CACNG2: variants seen among roughly 807,000 people sequenced by gnomAD.
CACNG2 encodes calcium voltage-gated channel auxiliary subunit gamma 2.
In CACNG2, 3 loss-of-function variants were observed where a neutral mutation model predicts 25.9. The observed-to-expected ratio is 0.12, with a 90% confidence interval of 0.05 to 0.30. The LOEUF is 0.30. CACNG2 is among the 10% of genes least tolerant of loss of function. The pLI is 1.00. For synonymous variants in CACNG2, 167 were observed against 173.3 expected, an observed-to-expected ratio of 0.96 and a Z score of 0.29; for missense variants, 341 against 432.5, an observed-to-expected ratio of 0.79 and a Z score of 1.88.
At chr22:36,630,971 T>C (rs1333198823) in intron 1 of CACNG2, among the ~76,000 whole-genome samples, 1 of 152,128 alleles carries the variant, frequency 6.6e-6, no homozygotes, top group South Asian at 2.1e-4. Flanking sequence ...GCTGGGTCTA[T>C]AGGTGCCTGC....
chr22:36,594,786 T>C (rs1316267717), intron 1 of CACNG2, among the ~76,000 whole-genome samples: 4 of 149,260 alleles, frequency 2.7e-5, no homozygotes, highest in Non-Finnish European at 5.9e-5. Flanking sequence ...TGTGTGTCTG[T>C]GTGTGTGTCT....
At chr22:36,695,713 C>T (rs1340504903) in intron 1 of CACNG2, among the ~76,000 whole-genome samples, 6 of 152,234 alleles carry the variant, frequency 3.9e-5, no homozygotes, top group East Asian at 1.9e-4. Flanking sequence ...TATGAGCTCA[C>T]GTCTCATGCA....
chr22:36,690,189 G>A (rs971856329), intron 1 of CACNG2, among the ~76,000 whole-genome samples: 3 of 152,196 alleles, frequency 2.0e-5, no homozygotes, highest in African/African-American at 7.2e-5. Context: ...GCCGGGAAAC[G>A]GCCACGCACG....
At chr22:36,665,426 C>T (rs1936862502) in intron 1 of CACNG2, among the ~76,000 whole-genome samples, 1 of 152,158 alleles carries the variant, frequency 6.6e-6, no homozygotes, top group South Asian at 2.1e-4. Flanking sequence ...GTACACAGTG[C>T]CTGGCACATA....
chr22:36,593,249 G>C (rs1410241668), intron 1 of CACNG2, among the ~76,000 whole-genome samples: 6 of 152,222 alleles, frequency 3.9e-5, no homozygotes, highest in Non-Finnish European at 8.8e-5. Flanking sequence ...TGGAGTGAAG[G>C]GGTCACGGCC....
At chr22:36,580,120 A>G (rs1003108274) in intron 2 of CACNG2, among the ~76,000 whole-genome samples, 13 of 152,170 alleles carry the variant, frequency 8.5e-5, no homozygotes, top group African/African-American at 2.9e-4. Context: ...TGGCAATGCT[A>G]GGAAGATGAC....
intron 1 of CACNG2, among the ~76,000 whole-genome samples, chr22:36,604,850 TCA>T (rs1935808407): frequency 6.6e-6 from 1 of 152,164 alleles, no homozygotes; most frequent in African/African-American, 2.4e-5. Flanking sequence ...CAATTATAGC[TCA>T]CTGCAGCCTT....
intron 1 of CACNG2, among the ~76,000 whole-genome samples, chr22:36,654,329 G>C (rs920586434): frequency 2.6e-5 from 4 of 152,106 alleles, no homozygotes; most frequent in African/African-American, 9.7e-5. Flanking sequence ...GCGGTGGCTT[G>C]ATCACAGCTC....
chr22:36,666,957 A>G (rs938324366), intron 1 of CACNG2, among the ~76,000 whole-genome samples: 1 of 144,384 alleles, frequency 6.9e-6, no homozygotes, highest in Non-Finnish European at 1.5e-5. Context: ...CTTCCCCGCC[A>G]CCCCACTTGA....
rs868288419 is a variant in CACNG2 at position 36,561,588 on chromosome 22, C to A, written c.*2763G>T. The A allele has an allele frequency of 1.3e-5, 2 of 152,204 alleles. No homozygotes were observed. Among genetic ancestry groups the A allele is most frequent in the African/African-American group, 4.8e-5 (2 of 41,450 alleles). The allele number at this position is 152,204 out of a possible 1,614,324, so 9.4% of individuals were successfully genotyped here. ...GGTGAGATGTGCAAGCTCAAAAAGC[C>A]TTACTAGCCATTCTCTAGAACTCCC... is the stretch of plus-strand genomic sequence containing the variant. On this transcript the variant is annotated 3_prime_UTR_variant, in exon 4 of 4. Coordinates refer to ENST00000300105, the MANE Select transcript of CACNG2 (RefSeq NM_006078.5).
chr22:36,626,091 T>C (rs1006835711), intron 1 of CACNG2, among the ~76,000 whole-genome samples: 1 of 152,210 alleles, frequency 6.6e-6, no homozygotes, highest in Non-Finnish European at 1.5e-5. Flanking sequence ...GGCTAACTTT[T>C]GTATTTTTAG....
chr22:36,633,698 TA>T lies in CACNG2; in HGVS notation c.212-46151del, dbSNP rs200306040. On this transcript the variant is annotated intron_variant, in intron 1 of 3. Coordinates refer to ENST00000300105, the MANE Select transcript of CACNG2 (RefSeq NM_006078.5). ...TTTTAAGAGCTTAATTTACTCACGA[TA>T]AAAGGCATAGCATCTGAATATGTCA... is the stretch of plus-strand genomic sequence containing the variant. Among the ~76,000 whole-genome samples, 1,322 of 152,324 alleles carry T rather than the reference TA, an allele frequency of 8.7e-3. 21 individuals carry two copies. The highest frequency in any genetic ancestry group is 0.03 in the African/African-American group (1,263 of 41,576).
chr22:36,622,461 A>G (rs1353286134), intron 1 of CACNG2, among the ~76,000 whole-genome samples: 1 of 152,226 alleles, frequency 6.6e-6, no homozygotes, highest in African/African-American at 2.4e-5. Flanking sequence ...CTGGAGATCC[A>G]TGGGTTTAGA....
intron 1 of CACNG2, among the ~76,000 whole-genome samples, chr22:36,609,586 G>A (rs1224821271): frequency 4.9e-5 from 6 of 122,140 alleles, no homozygotes; most frequent in African/African-American, 9.3e-5. Flanking sequence ...GAGCGTGATC[G>A]GGCAGGAATC....
At chr22:36,672,426 G>A (rs1936964937) in intron 1 of CACNG2, among the ~76,000 whole-genome samples, 1 of 152,188 alleles carries the variant, frequency 6.6e-6, no homozygotes, top group African/African-American at 2.4e-5. Context: ...CCAGTGTTGG[G>A]ATTACAGGCG....
At chr22:36,700,901 C>G (rs551031241) in intron 1 of CACNG2, among the ~76,000 whole-genome samples, 27 of 152,172 alleles carry the variant, frequency 1.8e-4, no homozygotes, top group Admixed American at 3.9e-4. Flanking sequence ...AAAACATGTT[C>G]AGCCATCACT....
chr22:36,702,819 C>T lies in CACNG2; in HGVS notation c.-243G>A. 1 of 378,460 alleles carries T rather than the reference C, an allele frequency of 2.6e-6. No homozygotes were observed. The highest frequency in any genetic ancestry group is 4.7e-6 in the Non-Finnish European group (1 of 214,894). The allele number at this position is 378,460 out of a possible 1,614,324, so 23.4% of individuals were successfully genotyped here. On this transcript the variant is annotated 5_prime_UTR_variant, in exon 1 of 4. Transcript: ENST00000300105. ...GAGGCTTGCCTTTTGAGATCAGAAA[C>T]TGTTCCAGTTGCAGTGTTTTTTTTT...
intron 1 of CACNG2, among the ~76,000 whole-genome samples, chr22:36,602,534 C>T (rs1303910313): frequency 6.6e-6 from 1 of 151,996 alleles, no homozygotes; most frequent in Non-Finnish European, 1.5e-5. Context: ...TACAGGCACC[C>T]GCCACCACGC....
chr22:36,606,312 C>T lies in CACNG2; in HGVS notation c.212-18764G>A, dbSNP rs1935832307. Among the ~76,000 whole-genome samples, 1 of 152,212 alleles carries T rather than the reference C, an allele frequency of 6.6e-6. No homozygotes were observed. Among genetic ancestry groups the T allele is most frequent in the African/African-American group, 2.4e-5 (1 of 41,446 alleles). ...GTCGCCGGGAACAAGCTGCCATGAGCCAGGCATGGGGCCAAGCACTTTACA... is the reference window on the plus strand; with the variant it reads ...GTCGCCGGGAACAAGCTGCCATGAGTCAGGCATGGGGCCAAGCACTTTACA... On this transcript the variant is annotated intron_variant, in intron 1 of 3. Coordinates refer to ENST00000300105, the MANE Select transcript of CACNG2 (RefSeq NM_006078.5). The surrounding 1 kb of genome is among the most constrained non-coding windows in gnomAD (Gnocchi z 5.7).
Sources: gnomAD v4.1 joint callset for allele counts (sites outside exome capture counted in the v4.1 genomes callset) on GRCh38, gnomAD v4.1.1 for gene constraint, Gnocchi (gnomAD v3.1) non-coding constraint, MANE v1.5 for transcripts, NCBI Gene and HGNC (gene_info 2026-07-23, HGNC 2026-07-21) for gene names.